The following ERCC4 variants were observed in gnomAD, a reference collection of about 807,000 sequenced individuals.
ERCC4 encodes the protein ERCC excision repair 4, endonuclease catalytic subunit.
ERCC4 carries 65 observed loss-of-function variants against 76.9 expected under a neutral mutation model. The ratio of observed to expected loss-of-function variants is 0.84; its 90% confidence interval spans 0.69 to 1.04. ERCC4 has a LOEUF of 1.04. Ranked by LOEUF, ERCC4 falls within the 50% of genes least tolerant of loss-of-function variation. The probability of loss-of-function intolerance (pLI) is 0.00; values close to 1 mark genes in which losing one functional copy is unlikely to be tolerated. For synonymous variants in ERCC4, 463 were observed against 410.1 expected (o/e 1.13, Z -1.56); for missense variants, 1,214 against 1,128.2 (o/e 1.08, Z -1.09).
chr16:13,922,628 C>A (rs570745180), intron 2 of ERCC4: 13 of 578,094 alleles, frequency 2.2e-5, no homozygotes, highest in African/African-American at 1.3e-4. Flanking sequence ...ATAGGCTGCA[C>A]ATGGCCGCAG....
intron 1 of ERCC4, among the ~76,000 whole-genome samples, chr16:13,921,512 G>C (rs1038198651): frequency 6.6e-6 from 1 of 152,126 alleles, no homozygotes; most frequent in African/African-American, 2.4e-5. Context: ...TTGGCATAGG[G>C]CCTAAGGCAA....
intron 2 of ERCC4, chr16:13,922,656 G>T (rs3136060): frequency 6.1e-6 from 3 of 493,552 alleles, no homozygotes; most frequent in South Asian, 2.0e-5. Flanking sequence ...TGGCATGACC[G>T]TTGTCCTTTC....
chr16:13,947,516 C>A, intron 10 of ERCC4, 98 bp from the exon 11 acceptor site: 1 of 1,128,700 alleles, frequency 8.9e-7, no homozygotes. Context: ...ATGTAACCAT[C>A]CATCAGAGTT....
At chr16:13,923,868 A>AT (rs1165356734) in intron 2 of ERCC4, among the ~76,000 whole-genome samples, 8 of 152,108 alleles carry the variant, frequency 5.3e-5, no homozygotes, top group East Asian at 1.9e-4. Flanking sequence ...ATTTAAAAAA[A>AT]TTTTTTTGTT....
rs1418624238 is a variant in ERCC4, at chr16:13,926,582, A to C, written c.410A>C (p.His137Pro). Residue 137 changes from histidine (H) to proline (P), a missense_variant, in exon 3 of 11, where the codon CAC becomes CCC. Coordinates refer to ENST00000311895, the MANE Select transcript of ERCC4 (RefSeq NM_005236.3). ...TCAGGCATCTTGGTGTATAGAGCCC[A>C]CAGAATAATCGAGTCTTGTCAAGAA... ...LITGILVYRA[H>P]RIIESCQEAF... 1 of 1,614,178 alleles carries C rather than the reference A, an allele frequency of 6.2e-7. No homozygotes were observed.
Position 13,942,673 on chromosome 16 carries a change from C to T in ERCC4, c.1905-2050C>T, listed in dbSNP as rs115890003. 5.4e-3 allele frequency among the ~76,000 whole-genome samples: 814 copies of T among 151,926 alleles called. 10 individuals are homozygous for T. The highest frequency in any genetic ancestry group is 0.019 in the African/African-American group (785 of 41,402). ...AGCCATGAAATGACTTGCCTAAGGTCACGTGGCCAGTAAATGGTTTCAGAT... is the reference window on the plus strand; with the variant it reads ...AGCCATGAAATGACTTGCCTAAGGTTACGTGGCCAGTAAATGGTTTCAGAT... On this transcript the variant is annotated intron_variant, in intron 9 of 10. Transcript: ENST00000311895.
intron 1 of ERCC4, among the ~76,000 whole-genome samples, 166 bp downstream of exon 1, chr16:13,920,538 G>T (rs957776550): frequency 6.6e-6 from 1 of 152,142 alleles, no homozygotes; most frequent in Non-Finnish European, 1.5e-5. Context: ...GGGGGATGCA[G>T]GTCCCTCACA....
chr16:13,949,196 C>T lies in ERCC4; in HGVS notation c.*849C>T, dbSNP rs2032583061. ...ATGATGAAGGAGCTCTTAGAATTCT[C>T]AATTTTTGCACATATTCAGTCTCCT... is the stretch of plus-strand genomic sequence containing the variant. On this transcript the variant is annotated 3_prime_UTR_variant, in exon 11 of 11. Coordinates refer to ENST00000311895, the MANE Select transcript of ERCC4 (RefSeq NM_005236.3). 8.6e-6 allele frequency: 2 copies of T among 233,136 alleles called. No homozygotes were observed. Among genetic ancestry groups the T allele is most frequent in the Non-Finnish European group, 1.7e-5 (2 of 118,036 alleles). The allele number at this position is 233,136 out of a possible 1,614,324, so 14.4% of individuals were successfully genotyped here. A position where few individuals can be genotyped will look rare whatever the true frequency, so the allele number is the denominator to read the frequency against.
intron 9 of ERCC4, among the ~76,000 whole-genome samples, chr16:13,944,409 C>T (rs571163800): frequency 6.6e-6 from 1 of 152,198 alleles, no homozygotes; most frequent in South Asian, 2.1e-4. Context: ...GCATTTTTTA[C>T]ATGTGGCATT....
intron 8 of ERCC4, among the ~76,000 whole-genome samples, chr16:13,937,369 G>C (rs1567249105): frequency 6.6e-6 from 1 of 152,078 alleles, no homozygotes; most frequent in Non-Finnish European, 1.5e-5. Flanking sequence ...TCATAGGCTG[G>C]TTTTCATAAC....
In ERCC4 at chr16:13,935,142, T is replaced by G. The variant is rs2032257283; in HGVS notation, c.1214-4T>G. On this transcript the variant is annotated splice_polypyrimidine_tract_variant and splice_region_variant and intron_variant, in intron 7 of 10. Transcript: ENST00000311895. ...AGTAACATAATGTTGTTTTCTATTT[T>G]CAGGTCAAGTACTGATTTGTGCAAG... 6.2e-7 allele frequency: 1 copy of G among 1,606,648 alleles called. No homozygotes were observed. Among genetic ancestry groups the G allele is most frequent in the Non-Finnish European group, 8.5e-7 (1 of 1,173,298 alleles).
chr16:13,922,573 A>G (rs180876455), intron 2 of ERCC4: 200 of 693,054 alleles, frequency 2.9e-4, no homozygotes, highest in Middle Eastern at 1.5e-3. Flanking sequence ...GAATTTCTTA[A>G]TGGCTTTATC....
Position 13,950,985 on chromosome 16 carries a change from G to C in ERCC4, c.*2638G>C, listed in dbSNP as rs1046554537. ...CTGGACGCTTGAAGACAGGTGCACT[G>C]TCTCGTATGTATTTGAATTATGAAC... On this transcript the variant is annotated 3_prime_UTR_variant, in exon 11 of 11. Coordinates refer to ENST00000311895, the MANE Select transcript of ERCC4 (RefSeq NM_005236.3). 6.8e-5 allele frequency: 13 copies of C among 191,828 alleles called. No homozygotes were observed. Among genetic ancestry groups the C allele is most frequent in the Non-Finnish European group, 1.2e-4 (11 of 91,758 alleles). 11.9% of individuals were successfully genotyped at this position (191,828 alleles called of 1,614,324 possible). A position where few individuals can be genotyped will look rare whatever the true frequency, so the allele number is the denominator to read the frequency against.
At position 13,935,699 on chromosome 16, in the gene ERCC4, G is replaced by T. The variant is rs1443100817; in HGVS notation, c.1767G>T (p.Arg589=). 5 of 1,614,116 alleles carry T rather than the reference G, an allele frequency of 3.1e-6. No individual in the cohort carries two copies. The stretch of plus-strand genomic sequence containing the variant: ...ATGACGCAGAGCTAACCTTTGTTCG[G>T]CAGCTTGAAATTTACAGGGCGAGTA... The part of the protein sequence containing the change: ...VLYDAELTFV[R]QLEIYRASRP... Residue 589 remains arginine, a synonymous_variant, in exon 8 of 11, where the codon CGG becomes CGT. Transcript: ENST00000311895.
intron 6 of ERCC4, 146 bp downstream of exon 6, chr16:13,932,431 GT>G: frequency 1.4e-6 from 1 of 714,832 alleles, no homozygotes; most frequent in Non-Finnish European, 2.4e-6. Context: ...TATGTAACAT[GT>G]AATGTATGTT....
At chr16:13,929,793 G>A (rs1047157570) in intron 4 of ERCC4, among the ~76,000 whole-genome samples, 36 of 152,012 alleles carry the variant, frequency 2.4e-4, no homozygotes, top group African/African-American at 8.7e-4. Context: ...GTGAAACCTC[G>A]TCTCTACTAA....
chr16:13,930,913 ATAT>A, intron 5 of ERCC4, 23 bp downstream of exon 5: 1 of 1,512,704 alleles, frequency 6.6e-7, no homozygotes, highest in South Asian at 1.1e-5. Context: ...AATACTAATA[ATAT>A]TCTAAGAGCT....
rs777853585 is a variant in ERCC4 at position 13,947,671 on chromosome 16, G to A, written c.2075G>A (p.Arg692Gln). 9.3e-6 allele frequency: 15 copies of A among 1,614,178 alleles called. No homozygotes were observed. In the Middle Eastern group the frequency reaches 8.2e-4, roughly 89 times the overall value. ...ATAGTTGTGGATATGCGTGAATTTC[G>A]AAGTGAGCTTCCATCTCTGATCCAT... ...QSIVVDMREF[R>Q]SELPSLIHRR... The change falls in exon 11 of 11, where the codon CGA becomes CAA. Residue 692 changes from arginine (R) to glutamine (Q), a missense_variant. Physicochemically the swap from Arg to Gln is conservative, Grantham distance 43. Coordinates refer to ENST00000311895, the MANE Select transcript of ERCC4 (RefSeq NM_005236.3).
In ERCC4 at chr16:13,932,083, T is replaced by A; in HGVS notation, c.974-74T>A. 3.1e-6 allele frequency: 4 copies of A among 1,273,974 alleles called. 1 individual carries two copies. The Middle Eastern group carries it at 7.4e-4, about 234-fold the overall frequency. 78.9% of individuals were successfully genotyped at this position (1,273,974 alleles called of 1,614,324 possible). On this transcript the variant is annotated intron_variant, in intron 5 of 10. Coordinates refer to ENST00000311895, the MANE Select transcript of ERCC4 (RefSeq NM_005236.3). ...GATGACAGCCAGTTACGTATGTAGG[T>A]CATGTGACCATCAGAGACTGTTTTA...
Sources: gnomAD v4.1 joint callset for allele counts (sites outside exome capture counted in the v4.1 genomes callset) on GRCh38, gnomAD v4.1.1 for gene constraint, MANE v1.5 for transcripts, NCBI Gene and HGNC (gene_info 2026-07-23, HGNC 2026-07-21) for gene names.